CTNNA3: variants seen among roughly 807,000 people sequenced by gnomAD.
CTNNA3 encodes catenin alpha-3.
Under a neutral mutation model 95.7 loss-of-function variants are expected in CTNNA3, and 76 were observed. That is an observed-to-expected ratio of 0.79 (90% CI 0.66 to 0.96). CTNNA3 has a LOEUF of 0.96. Ranked by LOEUF, CTNNA3 falls within the 40% of genes least tolerant of loss-of-function variation. The pLI is 0.00. For missense variants in CTNNA3, 1,191 were observed against 1,089.8 expected (o/e 1.09, Z -1.31); for synonymous variants, 431 against 374.4 (o/e 1.15, Z -1.74).
intron 9 of CTNNA3, among the ~76,000 whole-genome samples, chr10:66,640,884 C>T (rs960169134): frequency 6.6e-6 from 1 of 152,062 alleles, no homozygotes; most frequent in Non-Finnish European, 1.5e-5. Flanking sequence ...AACAAACATA[C>T]CAAGCATCCA....
intron 10 of CTNNA3, among the ~76,000 whole-genome samples, chr10:66,616,043 G>A (rs894415813): frequency 1.3e-5 from 2 of 152,034 alleles, no homozygotes; most frequent in African/African-American, 2.4e-5. Flanking sequence ...CCTATAGATC[G>A]CTTTATCCTT....
chr10:66,863,678 A>C (rs1011634912), intron 7 of CTNNA3, among the ~76,000 whole-genome samples: 1 of 152,136 alleles, frequency 6.6e-6, no homozygotes, highest in Non-Finnish European at 1.5e-5. Context: ...TCAGCTTTAG[A>C]GCATTTTATT....
intron 17 of CTNNA3, among the ~76,000 whole-genome samples, chr10:65,954,760 A>T (rs2077695037): frequency 6.6e-6 from 1 of 152,186 alleles, no homozygotes; most frequent in Non-Finnish European, 1.5e-5. Context: ...CTGTTTTGGT[A>T]CCAGTACCAT....
chr10:66,428,114 TA>T (rs1388682202), intron 11 of CTNNA3, among the ~76,000 whole-genome samples: 1 of 151,980 alleles, frequency 6.6e-6, no homozygotes, highest in Admixed American at 6.6e-5. Context: ...TAGTCTCTGA[TA>T]AAACAGACTT....
At chr10:65,960,309 G>T (rs186010545) in intron 17 of CTNNA3, among the ~76,000 whole-genome samples, 59 of 151,960 alleles carry the variant, frequency 3.9e-4, no homozygotes, top group Middle Eastern at 3.4e-3. Context: ...GGCCGAGGTG[G>T]GTGGATCACA....
chr10:66,999,942 T>A (rs1364205488), intron 7 of CTNNA3, among the ~76,000 whole-genome samples: 1 of 152,228 alleles, frequency 6.6e-6, no homozygotes, highest in Non-Finnish European at 1.5e-5. Flanking sequence ...GATCAGTGAC[T>A]AGATTTTCCC....
chr10:66,480,577 A>C (rs2131899586), intron 11 of CTNNA3, among the ~76,000 whole-genome samples: 1 of 152,174 alleles, frequency 6.6e-6, no homozygotes, highest in Non-Finnish European at 1.5e-5. Context: ...ATATTACATA[A>C]TTTTCAGATG....
chr10:66,754,545 C>T (rs1839288836), intron 9 of CTNNA3, among the ~76,000 whole-genome samples: 1 of 152,044 alleles, frequency 6.6e-6, no homozygotes, highest in Admixed American at 6.5e-5. Flanking sequence ...AACCTTCATG[C>T]TTCAGAGAAT....
chr10:66,982,212 T>TA (rs1383737319), intron 7 of CTNNA3, among the ~76,000 whole-genome samples: 4 of 152,152 alleles, frequency 2.6e-5, no homozygotes, highest in African/African-American at 9.7e-5. Context: ...ATGAGCCCCT[T>TA]TAAGGGCAGC....
chr10:66,320,000 A>G (rs1307829868), intron 12 of CTNNA3, among the ~76,000 whole-genome samples: 1 of 152,116 alleles, frequency 6.6e-6, no homozygotes, highest in Non-Finnish European at 1.5e-5. Flanking sequence ...GCACTCTCCA[A>G]TGCAGCTCCA....
chr10:67,523,494 T>C lies in CTNNA3; in HGVS notation c.460-1533A>G, dbSNP rs368363705. On this transcript the variant is annotated intron_variant, in intron 4 of 17. Coordinates refer to ENST00000433211, the MANE Select transcript of CTNNA3 (RefSeq NM_013266.4). ...TGGGTTTTTATTACAACATTCATGT[T>C]CTTTCTACTCTATCCTTAACTCTAA... is the stretch of plus-strand genomic sequence containing the variant. Among the ~76,000 whole-genome samples the C allele has an allele frequency of 7.9e-5, 12 of 152,322 alleles. No homozygotes were observed. In the East Asian group the frequency reaches 1.2e-3, roughly 15 times the overall value.
chr10:67,290,817 T>C (rs1327794372), intron 5 of CTNNA3, among the ~76,000 whole-genome samples: 1 of 152,182 alleles, frequency 6.6e-6, no homozygotes, highest in East Asian at 1.9e-4. Flanking sequence ...CACTCTGATA[T>C]ATCTCCAAGA....
intron 7 of CTNNA3, among the ~76,000 whole-genome samples, chr10:66,978,921 A>C (rs1850240350): frequency 6.7e-6 from 1 of 150,064 alleles, no homozygotes; most frequent in Admixed American, 6.6e-5. Context: ...ACTAGCGACA[A>C]GTCCCTTGTT....
intron 3 of CTNNA3, among the ~76,000 whole-genome samples, chr10:67,576,350 A>C (rs1232379153): frequency 6.6e-6 from 1 of 152,128 alleles, no homozygotes; most frequent in Non-Finnish European, 1.5e-5. Context: ...CTGGGAATTT[A>C]TTTAACTACT....
chr10:67,574,880 C>T (rs1260115418), intron 3 of CTNNA3, among the ~76,000 whole-genome samples: 1 of 152,174 alleles, frequency 6.6e-6, no homozygotes, highest in Admixed American at 6.5e-5. Context: ...CAAGCCTGAC[C>T]AAGGTTGTTA....
At chr10:67,271,377 C>T (rs1380971922) in intron 5 of CTNNA3, among the ~76,000 whole-genome samples, 1 of 152,108 alleles carries the variant, frequency 6.6e-6, no homozygotes, top group South Asian at 2.1e-4. Flanking sequence ...TCCCCACTTT[C>T]GCAGCACTCA....
intron 7 of CTNNA3, among the ~76,000 whole-genome samples, chr10:67,108,874 C>G (rs979581329): frequency 6.6e-6 from 1 of 151,964 alleles, no homozygotes; most frequent in African/African-American, 2.4e-5. Context: ...AAAAAATTAC[C>G]CCTTCCCACA....
At position 66,517,690 on chromosome 10, in the gene CTNNA3, T is replaced by C. The variant is rs115114301; in HGVS notation, c.1531+2927A>G. Among the ~76,000 whole-genome samples the C allele has an allele frequency of 5.2e-3, 792 of 152,216 alleles. 6 individuals are homozygous for C. The highest frequency in any genetic ancestry group is 0.018 in the African/African-American group (760 of 41,526). ...TGTTAATGAAGTACCCATTCTTTCA[T>C]TTCTTTACTTTCTCAATAAACTTGC... On this transcript the variant is annotated intron_variant, in intron 11 of 17. Transcript: ENST00000433211.
At chr10:66,272,903 C>T (rs2091312515) in intron 13 of CTNNA3, among the ~76,000 whole-genome samples, 1 of 152,164 alleles carries the variant, frequency 6.6e-6, no homozygotes, top group Non-Finnish European at 1.5e-5. Context: ...AGTCCGAACA[C>T]ATTTCCATTT....
Sources: allele counts gnomAD v4.1 joint callset (sites outside exome capture counted in the v4.1 genomes callset), GRCh38; gene constraint gnomAD v4.1.1; transcripts MANE v1.5; gene names NCBI Gene and HGNC (gene_info 2026-07-23, HGNC 2026-07-21).